CDK10: variants seen among roughly 807,000 people sequenced by gnomAD.
CDK10 encodes the protein cyclin dependent kinase 10.
CDK10 carries 55 observed loss-of-function variants against 51.0 expected under a neutral mutation model. That is an observed-to-expected ratio of 1.08 (90% CI 0.87 to 1.35). The LOEUF is 1.35. CDK10 is among the 40% of genes most tolerant of loss of function. The pLI is 0.00. For synonymous variants in CDK10, 255 were observed against 199.1 expected (o/e 1.28, Z -2.36); for missense variants, 589 against 485.1 (o/e 1.21, Z -2.01).
At position 89,686,781 on chromosome 16, in the gene CDK10, T is replaced by A; in HGVS notation, c.71T>A (p.Val24Glu). Residue 24 changes from valine to glutamate, a missense_variant, in exon 1 of 13, where the codon GTG becomes GAG. By Grantham distance (121) the Val-to-Glu change is moderately radical (BLOSUM62 -2). Transcript: ENST00000353379. ...KCIRKEGFFT[V>E]PPEHRLGRCR... ...ATTCGTAAGGAGGGCTTCTTCACGG[T>A]GCCTCCGGAACACAGGGTGCGCGGG... The A allele has an allele frequency of 6.2e-7, 1 of 1,612,022 alleles. No individual in the cohort carries two copies. Among genetic ancestry groups the A allele is most frequent in the Non-Finnish European group, 8.5e-7 (1 of 1,179,072 alleles).
Position 89,691,526 on chromosome 16 carries a change from G to T in CDK10, c.316G>T (p.Val106Leu). The T allele has an allele frequency of 6.2e-7, 1 of 1,613,672 alleles. No homozygotes were observed. Among genetic ancestry groups the T allele is most frequent in the Non-Finnish European group, 8.5e-7 (1 of 1,179,662 alleles). The change falls in exon 4 of 13, where the codon GTG (valine) becomes TTG (leucine). Residue 106 changes from valine to leucine, a missense_variant. Transcript: ENST00000353379. ...PNIVELKEVV[V>L]GNHLESIFLV... is the part of the protein sequence containing the mutation. ...CATCGTGGAGCTGAAGGAGGTGGTTGTGGGGAACCACCTGGAGAGGTACGT... is the reference window on the plus strand; with the variant it reads ...CATCGTGGAGCTGAAGGAGGTGGTTTTGGGGAACCACCTGGAGAGGTACGT...
chr16:89,695,266 C>A lies in CDK10; in HGVS notation c.933-27C>A. On this transcript the variant is annotated intron_variant, in intron 11 of 12. Transcript: ENST00000353379. ...AGGTGAGGAAGCCGCACTCACAAGT[C>A]GCACTAACGCAGGCTGCCTCCTCCA... The A allele has an allele frequency of 6.3e-7, 1 of 1,596,004 alleles. No individual in the cohort carries two copies. Among genetic ancestry groups the A allele is most frequent in the South Asian group, 1.1e-5 (1 of 90,052 alleles).
In CDK10 at chr16:89,692,454, GT is replaced by G. The variant is rs1205214102; in HGVS notation, c.424del (p.Cys142AlafsTer23). On this transcript the variant is annotated frameshift_variant, in exon 6 of 13. Coordinates refer to ENST00000353379, the MANE Select transcript of CDK10 (RefSeq NM_052988.5). LOFTEE classifies it high-confidence loss of function. ...ACCTCTGACCCTCTGCACAGGTCAA[GT>G]GCATCGTGCTGCAGGTGCTCCGGGG... is the stretch of plus-strand genomic sequence containing the variant. ...PTPFSEAQVKCIVLQVLRGLQ... is the reference protein window; with the variant it reads ...PTPFSEAQVKXIVLQVLRGLQ... The G allele has an allele frequency of 2.5e-6, 4 of 1,590,768 alleles. No individual in the cohort carries two copies. Among genetic ancestry groups the G allele is most frequent in the Non-Finnish European group, 3.4e-6 (4 of 1,168,702 alleles).
intron 1 of CDK10, among the ~76,000 whole-genome samples, chr16:89,688,312 G>C (rs1221950392): frequency 2.0e-5 from 3 of 151,966 alleles, no homozygotes; most frequent in Admixed American, 2.0e-4. Context: ...TAGATCTCCT[G>C]ACTTCGTGAT....
intron 8 of CDK10, 81 bp from the exon 9 acceptor site, chr16:89,694,092 T>G (rs2060581236): frequency 1.4e-6 from 2 of 1,420,724 alleles, no homozygotes; most frequent in Non-Finnish European, 2.0e-6. Flanking sequence ...CACCACAGGC[T>G]CTCGGGGAGG....
In CDK10 at chr16:89,695,614, G is replaced by T; in HGVS notation, c.1005G>T (p.Met335Ile). The T allele has an allele frequency of 6.2e-7, 1 of 1,605,320 alleles. No individual in the cohort carries two copies. The highest frequency in any genetic ancestry group is 8.5e-7 in the Non-Finnish European group (1 of 1,177,462). ...CTGCAGCCTGTGAGCCGGAGCTCAT[G>T]CCGACCTTTCCCCACCACCGCAACA... Reference protein sequence around the residue: ...EKPLPCEPELMPTFPHHRNKR... With the variant: ...EKPLPCEPELIPTFPHHRNKR... The change falls in exon 13 of 13, where the codon ATG (methionine) becomes ATT (isoleucine). Residue 335 changes from methionine to isoleucine, a missense_variant. Physicochemically the swap from Met to Ile is conservative, Grantham distance 10. Transcript: ENST00000353379.
intron 1 of CDK10, chr16:89,687,793 CGAG>C (rs1414071017): frequency 2.8e-6 from 1 of 352,650 alleles, no homozygotes; most frequent in African/African-American, 2.1e-5. Flanking sequence ...ATAAGCGTGT[CGAG>C]AAGAGCACAA....
chr16:89,687,261 C>T, intron 1 of CDK10: 1 of 333,288 alleles, frequency 3.0e-6, no homozygotes, highest in Non-Finnish European at 6.1e-6. Context: ...TGGGCGCGTC[C>T]CTTGCGGAGG....
intron 2 of CDK10, 196 bp downstream of exon 2, chr16:89,689,520 A>G (rs1217821526): frequency 1.0e-5 from 6 of 590,868 alleles, no homozygotes; most frequent in African/African-American, 9.3e-5. Flanking sequence ...GGTAAACGTA[A>G]GCATCCGGTT....
chr16:89,694,069 C>G, intron 8 of CDK10, 104 bp from the exon 9 acceptor site: 1 of 1,171,774 alleles, frequency 8.5e-7, no homozygotes, highest in Non-Finnish European at 1.3e-6. Flanking sequence ...CGAGTTGGGA[C>G]AGGTTTCCAG....
chr16:89,695,582 C>A lies in CDK10; in HGVS notation c.986-13C>A. ...GCCCTGCCCCGCCCAGCACTGAACC[C>A]TTCTCCCTGCAGCCTGTGAGCCGGA... On this transcript the variant is annotated splice_polypyrimidine_tract_variant and intron_variant, in intron 12 of 12. Transcript: ENST00000353379. The A allele has an allele frequency of 6.3e-7, 1 of 1,597,318 alleles. No homozygotes were observed. The highest frequency in any genetic ancestry group is 8.5e-7 in the Non-Finnish European group (1 of 1,173,936).
chr16:89,693,265 C>T lies in CDK10; in HGVS notation c.486-9C>T. The T allele has an allele frequency of 6.2e-7, 1 of 1,614,060 alleles. No individual in the cohort carries two copies. The highest frequency in any genetic ancestry group is 1.1e-5 in the South Asian group (1 of 91,076). ...CTGGGAGCCACCTGCCACTGTTTTT[C>T]CATCACAGGGACCTGAAGGTTTCCA... is the stretch of plus-strand genomic sequence containing the variant. On this transcript the variant is annotated splice_polypyrimidine_tract_variant and intron_variant, in intron 6 of 12. Coordinates refer to ENST00000353379, the MANE Select transcript of CDK10 (RefSeq NM_052988.5).
intron 1 of CDK10, chr16:89,687,415 G>A (rs1223923179): frequency 1.6e-5 from 7 of 445,916 alleles, no homozygotes; most frequent in South Asian, 9.3e-5. Flanking sequence ...GCTCTGAGAG[G>A]CCAAGCCACG....
At chr16:89,689,389 T>C (rs1269190604) in intron 2 of CDK10, 65 bp downstream of exon 2, 1 of 1,455,432 alleles carries the variant, frequency 6.9e-7, no homozygotes, top group Non-Finnish European at 9.6e-7. Context: ...GACGAGACTG[T>C]CGAAGCAGCA....
rs750731471 is a variant in CDK10, at chr16:89,686,779, G to T, written c.69G>T (p.Thr23=). The T allele has an allele frequency of 6.2e-7, 1 of 1,612,000 alleles. No individual in the cohort carries two copies. The highest frequency in any genetic ancestry group is 8.5e-7 in the Non-Finnish European group (1 of 1,179,028). ...LKCIRKEGFF[T]VPPEHRLGRC... is the part of the protein sequence containing the mutation. ...GTATTCGTAAGGAGGGCTTCTTCAC[G>T]GTGCCTCCGGAACACAGGGTGCGCG... The change falls in exon 1 of 13, where the codon ACG becomes ACT. Residue 23 remains threonine, a synonymous_variant. Transcript: ENST00000353379.
chr16:89,694,996 G>A lies in CDK10; in HGVS notation c.858G>A (p.Lys286=), dbSNP rs1039975251. Residue 286 remains lysine (K), a synonymous_variant, in exon 11 of 13, where the codon AAG becomes AAA. Transcript: ENST00000353379. ...SLRKQPYNNL[K]HKFPWLSEAG... ...GGAAGCAGCCCTACAACAACCTGAA[G>A]CACAAGTTCCCATGGCTGTCGGAGG... is the stretch of plus-strand genomic sequence containing the variant. The A allele has an allele frequency of 2.5e-6, 4 of 1,613,504 alleles. No homozygotes were observed. Among genetic ancestry groups the A allele is most frequent in the Non-Finnish European group, 3.4e-6 (4 of 1,180,036 alleles).
chr16:89,690,588 G>A lies in CDK10; in HGVS notation c.196G>A (p.Ala66Thr), dbSNP rs748526308. ...ARDTQTDEIV[A>T]LKKVRMDKEK... is the part of the protein sequence containing the mutation. ...GGACACCCAGACAGATGAGATTGTCGCACTGAAGAAGGTGCGGATGGACAA... is the reference window on the plus strand; with the variant it reads ...GGACACCCAGACAGATGAGATTGTCACACTGAAGAAGGTGCGGATGGACAA... Residue 66 changes from alanine to threonine, a missense_variant, in exon 3 of 13, where the codon GCA becomes ACA. Physicochemically the swap from Ala to Thr is moderately conservative, Grantham distance 58. Transcript: ENST00000353379. The A allele has an allele frequency of 6.2e-6, 10 of 1,613,996 alleles. No individual in the cohort carries two copies. Among genetic ancestry groups the A allele is most frequent in the South Asian group, 2.2e-5 (2 of 91,088 alleles).
At chr16:89,694,090 G>T (rs1183309394) in intron 8 of CDK10, 83 bp from the exon 9 acceptor site, 9 of 1,402,884 alleles carry the variant, frequency 6.4e-6, no homozygotes, top group Non-Finnish European at 9.1e-6. Context: ...GCCACCACAG[G>T]CTCTCGGGGA....
intron 8 of CDK10, 89 bp downstream of exon 8, chr16:89,693,556 G>A (rs1174185988): frequency 1.5e-6 from 2 of 1,335,106 alleles, no homozygotes; most frequent in South Asian, 1.2e-5. Context: ...GCTGCAACTG[G>A]CCTTGGGAAT....
Sources: allele counts gnomAD v4.1 joint callset (sites outside exome capture counted in the v4.1 genomes callset), GRCh38; gene constraint gnomAD v4.1.1; transcripts MANE v1.5; gene names NCBI Gene and HGNC (gene_info 2026-07-23, HGNC 2026-07-21).